The following OTP variants were observed in gnomAD, a reference collection of about 807,000 sequenced individuals.
OTP encodes the protein orthopedia homeobox.
Under a neutral mutation model 22.3 loss-of-function variants are expected in OTP, and 5 were observed. The ratio of observed to expected loss-of-function variants is 0.22; its 90% confidence interval spans 0.12 to 0.47. The LOEUF is 0.47. OTP is among the 20% of genes least tolerant of loss of function. The pLI, the probability that OTP is intolerant of heterozygous loss-of-function variation, is 0.99. For synonymous variants in OTP, 229 were observed against 210.6 expected (o/e 1.09, Z -0.76); for missense variants, 428 against 456.2 (o/e 0.94, Z 0.56).
chr5:77,630,244 C>A lies in OTP; in HGVS notation c.*20G>T. The A allele has an allele frequency of 6.7e-7, 1 of 1,483,714 alleles. No homozygotes were observed. Among genetic ancestry groups the A allele is most frequent in the Non-Finnish European group, 8.9e-7 (1 of 1,120,560 alleles). The allele number at this position is 1,483,714 out of a possible 1,614,324, so 91.9% of individuals were successfully genotyped here. Reference sequence around the variant, plus strand: ...CCCCGGGGCGGTGCTGGGGGCGGAGCGGGCCGGGGCGCGGCTGCATTAAGT... The same window carrying A: ...CCCCGGGGCGGTGCTGGGGGCGGAGAGGGCCGGGGCGCGGCTGCATTAAGT... On this transcript the variant is annotated 3_prime_UTR_variant, in exon 3 of 3. Transcript: ENST00000306422.
intron 2 of OTP, among the ~76,000 whole-genome samples, chr5:77,635,024 G>T (rs977198908): frequency 6.6e-6 from 1 of 152,130 alleles, no homozygotes; most frequent in Non-Finnish European, 1.5e-5. Context: ...ACCTTTGGAA[G>T]ACCTAATAAA....
chr5:77,637,669 C>A (rs1745031615), intron 1 of OTP, among the ~76,000 whole-genome samples: 1 of 152,226 alleles, frequency 6.6e-6, no homozygotes, highest in South Asian at 2.1e-4. Context: ...ACTGTACCTC[C>A]GGCCCTCAGC....
chr5:77,637,334 C>A (rs1165166169), intron 1 of OTP, 104 bp from the exon 2 acceptor site: 6 of 1,318,820 alleles, frequency 4.5e-6, no homozygotes, highest in Non-Finnish European at 6.1e-6. Context: ...CCCCTCCGCA[C>A]CCGCGCTTGT....
chr5:77,630,117 T>G lies in OTP; in HGVS notation c.*147A>C, dbSNP rs1196337772. On this transcript the variant is annotated 3_prime_UTR_variant, in exon 3 of 3. Transcript: ENST00000306422. ...GGGGCTTGGGGTGAGCCCGAGCGAG[T>G]GGAGGAGAGAGGCGAGGACGAAACG... 3.5e-5 allele frequency: 11 copies of G among 311,628 alleles called. No individual in the cohort carries two copies. Among genetic ancestry groups the G allele is most frequent in the South Asian group, 3.2e-4 (2 of 6,230 alleles). The allele number at this position is 311,628 out of a possible 1,614,324, so 19.3% of individuals were successfully genotyped here. A position where few individuals can be genotyped will look rare whatever the true frequency, so the allele number is the denominator to read the frequency against.
chr5:77,630,600 C>A lies in OTP; in HGVS notation c.642G>T (p.Met214Ile). ...GCAGAGGCAGCTGTGACACGCCAGG[C>A]ATGGCGGCCGCCGCCCAGCGGGTGT... ...ANDTRWAAAA[M>I]PGVSQLPLPP... The change falls in exon 3 of 3, where the codon ATG (methionine) becomes ATT (isoleucine). Residue 214 changes from methionine to isoleucine, a missense_variant. Coordinates refer to ENST00000306422, the MANE Select transcript of OTP (RefSeq NM_032109.3). 1 of 1,554,078 alleles carries A rather than the reference C, an allele frequency of 6.4e-7. No individual in the cohort carries two copies. The highest frequency in any genetic ancestry group is 2.4e-5 in the East Asian group (1 of 41,896).
At chr5:77,636,560 C>T (rs1745010646) in intron 2 of OTP, 1 of 431,238 alleles carries the variant, frequency 2.3e-6, no homozygotes, top group South Asian at 4.6e-5. Context: ...AACCCTGTAG[C>T]CCGACAACGC....
chr5:77,636,786 C>G (rs778149231), intron 2 of OTP, 35 bp downstream of exon 2: 1 of 1,580,808 alleles, frequency 6.3e-7, no homozygotes, highest in Non-Finnish European at 8.6e-7. Context: ...CCGCCCTGTC[C>G]TTGCCTTCTG....
rs111773819 is a variant in OTP at position 77,632,161 on chromosome 5, C to G, written c.448-1367G>C. On this transcript the variant is annotated intron_variant, in intron 2 of 2. Coordinates refer to ENST00000306422, the MANE Select transcript of OTP (RefSeq NM_032109.3). ...TACAGACCCTGTCAGGCAAATTTGC[C>G]TAGGCATGTCAAACCCTCTATCACA... 3.6e-3 allele frequency among the ~76,000 whole-genome samples: 539 copies of G among 151,236 alleles called. 2 individuals carry two copies. Among genetic ancestry groups the G allele is most frequent in the Non-Finnish European group, 6.1e-3 (418 of 67,970 alleles).
chr5:77,633,444 T>C (rs1744959460), intron 2 of OTP, among the ~76,000 whole-genome samples: 2 of 152,194 alleles, frequency 1.3e-5, no homozygotes. Context: ...TGTGAATGTT[T>C]CCACTTGAAA....
In OTP at chr5:77,630,656, C is replaced by T; in HGVS notation, c.586G>A (p.Gly196Ser). The T allele has an allele frequency of 6.3e-7, 1 of 1,578,316 alleles. No individual in the cohort carries two copies. Among genetic ancestry groups the T allele is most frequent in the African/African-American group, 1.3e-5 (1 of 74,628 alleles). ...GCGTGGAAAGAGCACAGGCTGTCGCCCATGGCGGCGGCAGCGGCGGCGGCA... is the reference window on the plus strand; with the variant it reads ...GCGTGGAAAGAGCACAGGCTGTCGCTCATGGCGGCGGCAGCGGCGGCGGCA... ...SAAAAAAAAM[G>S]DSLCSFHAND... The change falls in exon 3 of 3, where the codon GGC (glycine) becomes AGC (serine). Residue 196 changes from glycine (G) to serine (S), a missense_variant. By Grantham distance (56) the Gly-to-Ser change is moderately conservative (BLOSUM62 0). This residue lies in a region of OTP where 236 missense variants were observed against 238.1 expected (regional missense o/e 0.99). Transcript: ENST00000306422.
Position 77,630,668 on chromosome 5 carries a change from C to T in OTP, c.574G>A (p.Ala192Thr). 6.3e-7 allele frequency: 1 copy of T among 1,578,688 alleles called. No homozygotes were observed. The highest frequency in any genetic ancestry group is 8.5e-7 in the Non-Finnish European group (1 of 1,170,384). ...PQFPSAAAAA[A>T]AAMGDSLCSF... ...CACAGGCTGTCGCCCATGGCGGCGG[C>T]AGCGGCGGCGGCAGCCGACGGGAAC... The change falls in exon 3 of 3, where the codon GCC (alanine) becomes ACC (threonine). Residue 192 changes from alanine to threonine, a missense_variant. Physicochemically the swap from Ala to Thr is moderately conservative, Grantham distance 58. Coordinates refer to ENST00000306422, the MANE Select transcript of OTP (RefSeq NM_032109.3).
intron 2 of OTP, among the ~76,000 whole-genome samples, chr5:77,631,109 A>G (rs1368447399): frequency 1.3e-5 from 2 of 152,274 alleles, no homozygotes; most frequent in Non-Finnish European, 2.9e-5. Flanking sequence ...CATTCTGTGC[A>G]CTGCACAGAT....
chr5:77,630,813 G>A lies in OTP; in HGVS notation c.448-19C>T, dbSNP rs761576063. On this transcript the variant is annotated intron_variant, in intron 2 of 2. Transcript: ENST00000306422. ...ACCAGACCTGGAGCGGGCGGGGCGG[G>A]AGACAGACAGGGAGCTATTAGCCGG... 9 of 1,517,260 alleles carry A rather than the reference G, an allele frequency of 5.9e-6. No individual in the cohort carries two copies. Among genetic ancestry groups the A allele is most frequent in the Admixed American group, 4.2e-5 (2 of 47,292 alleles). 94.0% of individuals were successfully genotyped at this position (1,517,260 alleles called of 1,614,324 possible). A position where few individuals can be genotyped will look rare whatever the true frequency, so the allele number is the denominator to read the frequency against.
Position 77,630,007 on chromosome 5 carries a change from A to C in OTP, c.*257T>G. The C allele has an allele frequency of 4.7e-6, 1 of 213,240 alleles. No individual in the cohort carries two copies. Among genetic ancestry groups the C allele is most frequent in the Non-Finnish European group, 9.0e-6 (1 of 110,832 alleles). The allele number at this position is 213,240 out of a possible 1,614,324, so 13.2% of individuals were successfully genotyped here. A position where few individuals can be genotyped will look rare whatever the true frequency, so the allele number is the denominator to read the frequency against. ...GCGCTGGAGACCGAGCCGAGGGCGC[A>C]GCTGGGTGGGAAGGGAAGAGGGGCG... On this transcript the variant is annotated 3_prime_UTR_variant, in exon 3 of 3. Coordinates refer to ENST00000306422, the MANE Select transcript of OTP (RefSeq NM_032109.3).
intron 2 of OTP, 65 bp from the exon 3 acceptor site, chr5:77,630,859 G>A: frequency 1.4e-6 from 2 of 1,449,352 alleles, no homozygotes; most frequent in South Asian, 2.8e-5. Context: ...GGGGAGTTGG[G>A]GCTTGAGCCC....
chr5:77,634,832 G>T (rs895406685), intron 2 of OTP, among the ~76,000 whole-genome samples: 3 of 152,104 alleles, frequency 2.0e-5, no homozygotes. Flanking sequence ...CTATTAAATT[G>T]TGTCTATCAG....
Position 77,630,341 on chromosome 5 carries a change from C to CGCT in OTP, c.898_900dup (p.Ser300dup). 1 of 1,570,240 alleles carries CGCT rather than the reference C, an allele frequency of 6.4e-7. No homozygotes were observed. The highest frequency in any genetic ancestry group is 1.8e-5 in the Admixed American group (1 of 54,764). ...GCGATGCTGGTGCCCCGCCACACGT[C>CGCT]GCTGCTGTCCGGGGAGCTGCAGAGC... On this transcript the variant is annotated inframe_insertion, in exon 3 of 3. Transcript: ENST00000306422.
intron 1 of OTP, 137 bp from the exon 2 acceptor site, chr5:77,637,367 T>G: frequency 9.5e-7 from 1 of 1,052,934 alleles, no homozygotes; most frequent in Non-Finnish European, 1.3e-6. Flanking sequence ...ACTCCCAGGG[T>G]ATTCAGCTGG....
Position 77,637,220 on chromosome 5 carries a change from A to G in OTP, c.48T>C (p.Asp16=), listed in dbSNP as rs972368192. 4 of 1,520,208 alleles carry G rather than the reference A, an allele frequency of 2.6e-6. No homozygotes were observed. The highest frequency in any genetic ancestry group is 3.5e-6 in the Non-Finnish European group (4 of 1,134,972). 94.2% of individuals were successfully genotyped at this position (1,520,208 alleles called of 1,614,324 possible). Residue 16 remains aspartate, a synonymous_variant, in exon 2 of 3, where the codon GAT becomes GAC. Coordinates refer to ENST00000306422, the MANE Select transcript of OTP (RefSeq NM_032109.3). ...CCCGGTGGCCCAGAAGCTCGGCGGCATCTTTCATACCTGAGGAGGCAAGGG... is the reference window on the plus strand; with the variant it reads ...CCCGGTGGCCCAGAAGCTCGGCGGCGTCTTTCATACCTGAGGAGGCAAGGG... ...DLLDARLGMK[D]AAELLGHREA...
Sources: gnomAD v4.1 joint callset for allele counts (sites outside exome capture counted in the v4.1 genomes callset) on GRCh38, gnomAD v4.1.1 for gene constraint, gnomAD v4.1.1 regional missense constraint, MANE v1.5 for transcripts, NCBI Gene and HGNC (gene_info 2026-07-23, HGNC 2026-07-21) for gene names.